The following SLC25A13 variants were observed in gnomAD, a reference collection of about 807,000 sequenced individuals.
SLC25A13 encodes the protein electrogenic aspartate/glutamate antiporter SLC25A13, mitochondrial.
SLC25A13 carries 70 observed loss-of-function variants against 85.5 expected under a neutral mutation model. That is an observed-to-expected ratio of 0.82 (90% CI 0.68 to 1.00). The LOEUF (loss-of-function observed/expected upper bound fraction) is 1.00. Among genes scored for constraint, SLC25A13 ranks in the 50% least tolerant of loss-of-function variants. The probability of loss-of-function intolerance (pLI) is 0.00; values close to 1 mark genes in which losing one functional copy is unlikely to be tolerated. For synonymous variants in SLC25A13, 259 were observed against 288.7 expected (o/e 0.90, Z 1.04); for missense variants, 765 against 819.8 (o/e 0.93, Z 0.82).
intron 2 of SLC25A13, among the ~76,000 whole-genome samples, chr7:96,285,949 A>G (rs1278305078): frequency 6.6e-6 from 1 of 152,178 alleles, no homozygotes; most frequent in African/African-American, 2.4e-5. Flanking sequence ...TCTAGATGAA[A>G]CATTACCTGA....
chr7:96,206,174 C>T (rs948007675), intron 5 of SLC25A13, among the ~76,000 whole-genome samples: 4 of 152,156 alleles, frequency 2.6e-5, no homozygotes, highest in Non-Finnish European at 4.4e-5. Context: ...CATCATGTGA[C>T]AGGTAGCAGC....
intron 1 of SLC25A13, among the ~76,000 whole-genome samples, chr7:96,311,802 A>C (rs1392923712): frequency 1.3e-5 from 2 of 152,150 alleles, no homozygotes; most frequent in East Asian, 3.8e-4. Context: ...TTTCTTTCTG[A>C]CAAAGGCTAA....
intron 5 of SLC25A13, among the ~76,000 whole-genome samples, chr7:96,201,147 C>T (rs1411857907): frequency 1.3e-5 from 2 of 152,150 alleles, no homozygotes; most frequent in Non-Finnish European, 2.9e-5. Flanking sequence ...CCTGATACAA[C>T]TTAGAATCAA....
intron 4 of SLC25A13, among the ~76,000 whole-genome samples, chr7:96,230,959 A>G (rs994500874): frequency 1.3e-5 from 2 of 152,142 alleles, no homozygotes; most frequent in African/African-American, 4.8e-5. Flanking sequence ...AAAATACAAA[A>G]AATCAGCCAG....
chr7:96,157,692 C>T (rs1793339534), intron 13 of SLC25A13, among the ~76,000 whole-genome samples: 1 of 151,778 alleles, frequency 6.6e-6, no homozygotes, highest in African/African-American at 2.4e-5. Flanking sequence ...TAGTCTTGGC[C>T]ACTTGGGAGG....
intron 1 of SLC25A13, among the ~76,000 whole-genome samples, chr7:96,316,145 A>G (rs1800119201): frequency 6.6e-6 from 1 of 152,124 alleles, no homozygotes; most frequent in Admixed American, 6.6e-5. Flanking sequence ...TATATATTAT[A>G]GTCCAAATCC....
intron 3 of SLC25A13, among the ~76,000 whole-genome samples, chr7:96,252,113 G>A (rs1438155209): frequency 6.6e-6 from 1 of 152,172 alleles, no homozygotes; most frequent in East Asian, 1.9e-4. Flanking sequence ...TTGGGGACTT[G>A]AGTCCAGACT....
chr7:96,120,893 T>C lies in SLC25A13; in HGVS notation c.*298A>G. The C allele has an allele frequency of 1.9e-6, 1 of 520,096 alleles. No homozygotes were observed. The highest frequency in any genetic ancestry group is 5.0e-5 in the East Asian group (1 of 19,928). 32.2% of individuals were successfully genotyped at this position (520,096 alleles called of 1,614,324 possible). A position where few individuals can be genotyped will look rare whatever the true frequency, so the allele number is the denominator to read the frequency against. On this transcript the variant is annotated 3_prime_UTR_variant, in exon 18 of 18. Coordinates refer to ENST00000265631, the MANE Select transcript of SLC25A13 (RefSeq NM_014251.3). ...CCTAGTTCAAGGAGGGGAGTACTAA[T>C]TTCTATTCTGACTTGCTCCTTTCCC...
At chr7:96,278,251 G>A (rs1798534501) in intron 2 of SLC25A13, among the ~76,000 whole-genome samples, 1 of 152,150 alleles carries the variant, frequency 6.6e-6, no homozygotes, top group African/African-American at 2.4e-5. Flanking sequence ...TGGGGACTGA[G>A]GAGGCAAGGA....
intron 13 of SLC25A13, among the ~76,000 whole-genome samples, chr7:96,146,985 A>G (rs1792829655): frequency 1.3e-5 from 2 of 152,100 alleles, no homozygotes; most frequent in African/African-American, 4.8e-5. Flanking sequence ...ATGCTCCTTG[A>G]AGCACAAACA....
intron 1 of SLC25A13, among the ~76,000 whole-genome samples, chr7:96,315,021 A>G (rs1045946350): frequency 6.6e-6 from 1 of 152,146 alleles, no homozygotes; most frequent in Non-Finnish European, 1.5e-5. Context: ...CTCTGATCAC[A>G]AAAAACCACT....
chr7:96,275,793 G>A (rs932179857), intron 3 of SLC25A13, among the ~76,000 whole-genome samples: 7 of 152,072 alleles, frequency 4.6e-5, no homozygotes, highest in African/African-American at 9.7e-5. Flanking sequence ...GTTAAACGAC[G>A]AGTTGACGGG....
chr7:96,304,455 A>C (rs1414915764), intron 1 of SLC25A13, among the ~76,000 whole-genome samples: 3 of 152,242 alleles, frequency 2.0e-5, no homozygotes, highest in Non-Finnish European at 4.4e-5. Context: ...ATCATCATTA[A>C]AATTCTGATA....
At chr7:96,240,321 T>C (rs968363062) in intron 3 of SLC25A13, among the ~76,000 whole-genome samples, 3 of 152,172 alleles carry the variant, frequency 2.0e-5, no homozygotes, top group Non-Finnish European at 2.9e-5. Context: ...AAGATGTGTT[T>C]GGTGAACATG....
chr7:96,121,721 T>C lies in SLC25A13; in HGVS notation c.1775A>G (p.Gln592Arg). 1.2e-6 allele frequency: 2 copies of C among 1,614,142 alleles called. No homozygotes were observed. Among genetic ancestry groups the C allele is most frequent in the Non-Finnish European group, 1.7e-6 (2 of 1,180,016 alleles). Residue 592 changes from glutamine to arginine, a missense_variant, in exon 17 of 18, where the codon CAG (glutamine) becomes CGG (arginine). Coordinates refer to ENST00000265631, the MANE Select transcript of SLC25A13 (RefSeq NM_014251.3). ...GTAAGTCAGCAAAGTTACACCAAAC[T>C]GGGGTGAGGATCGAAATACACGAGC... ...AGARVFRSSP[Q>R]FGVTLLTYEL...
At chr7:96,121,568 TA>T in intron 17 of SLC25A13, 86 bp downstream of exon 17, 1 of 1,444,638 alleles carries the variant, frequency 6.9e-7, no homozygotes, top group Non-Finnish European at 9.7e-7. Context: ...TATTTTATTA[TA>T]GAGACTAGAC....
At chr7:96,253,588 T>C (rs1797517453) in intron 3 of SLC25A13, among the ~76,000 whole-genome samples, 1 of 152,194 alleles carries the variant, frequency 6.6e-6, no homozygotes, top group African/African-American at 2.4e-5. Flanking sequence ...AAAAGACCCA[T>C]TGTTATCAGG....
At chr7:96,266,228 T>C (rs1048519652) in intron 3 of SLC25A13, among the ~76,000 whole-genome samples, 3 of 152,206 alleles carry the variant, frequency 2.0e-5, no homozygotes, top group Non-Finnish European at 2.9e-5. Context: ...TCTGAAAAGT[T>C]CTCAGGGACT....
intron 4 of SLC25A13, among the ~76,000 whole-genome samples, chr7:96,228,987 C>G (rs553802493): frequency 3.9e-5 from 6 of 152,142 alleles, no homozygotes; most frequent in Non-Finnish European, 7.4e-5. Flanking sequence ...ATGCCCAAGT[C>G]CCCCCAACCC....
Sources: allele counts gnomAD v4.1 joint callset (sites outside exome capture counted in the v4.1 genomes callset), GRCh38; gene constraint gnomAD v4.1.1; transcripts MANE v1.5; gene names NCBI Gene and HGNC (gene_info 2026-07-23, HGNC 2026-07-21).